The following HDAC9 variants were observed in gnomAD, a reference collection of about 807,000 sequenced individuals.
The protein encoded by HDAC9 is MEF-2 interacting transcription repressor (MITR) protein.
A neutral mutation model predicts 139.4 loss-of-function variants in HDAC9; 41 were observed. The observed-to-expected ratio is 0.29, with a 90% CI of 0.23 to 0.38. HDAC9 has a LOEUF of 0.38. HDAC9 is among the 10% of genes least tolerant of loss of function. HDAC9 has a pLI of 1.00. For missense variants in HDAC9, 1,147 were observed against 1,297.0 expected, an observed-to-expected ratio of 0.88 and a Z score of 1.78; for synonymous variants, 517 against 476.2, an observed-to-expected ratio of 1.09 and a Z score of -1.12.
intron 12 of HDAC9, among the ~76,000 whole-genome samples, chr7:18,712,274 T>C (rs1192830906): frequency 6.6e-6 from 1 of 152,214 alleles, no homozygotes; most frequent in Non-Finnish European, 1.5e-5. Context: ...GCTTTCAGTT[T>C]TTTCTCTTTC....
intron 2 of HDAC9, among the ~76,000 whole-genome samples, chr7:18,191,950 G>A (rs755349445): frequency 6.6e-6 from 1 of 152,110 alleles, no homozygotes; most frequent in Non-Finnish European, 1.5e-5. Context: ...GACATTATAC[G>A]TGCTTTCTAA....
chr7:18,592,708 C>A (rs989020754), intron 5 of HDAC9, among the ~76,000 whole-genome samples: 1 of 152,024 alleles, frequency 6.6e-6, no homozygotes. Flanking sequence ...TTTATAAATA[C>A]TTTTTAATGA....
chr7:18,868,643 T>G (rs1175026676), intron 21 of HDAC9, among the ~76,000 whole-genome samples: 1 of 152,156 alleles, frequency 6.6e-6, no homozygotes, highest in Non-Finnish European at 1.5e-5. Flanking sequence ...GTTTTTTTTC[T>G]TAGTAGGTTG....
intron 6 of HDAC9, among the ~76,000 whole-genome samples, chr7:18,618,104 C>CTG (rs1696992437): frequency 1.3e-5 from 2 of 152,060 alleles, no homozygotes; most frequent in African/African-American, 4.8e-5. Flanking sequence ...TTCAGATAAA[C>CTG]ATCAGAGAGA....
At chr7:18,486,196 A>T (rs1795960935) in intron 1 of HDAC9, among the ~76,000 whole-genome samples, 1 of 152,130 alleles carries the variant, frequency 6.6e-6, no homozygotes, top group Admixed American at 6.6e-5. Flanking sequence ...ACTTCTCAAC[A>T]CTGTTGCATT....
intron 2 of HDAC9, among the ~76,000 whole-genome samples, chr7:18,567,168 A>G (rs970667500): frequency 5.3e-5 from 8 of 152,238 alleles, no homozygotes; most frequent in African/African-American, 1.7e-4. Flanking sequence ...TCTCGAGGGG[A>G]ATAAGCCCAA....
chr7:18,248,823 C>A (rs1794731888), intron 2 of HDAC9, among the ~76,000 whole-genome samples: 1 of 152,068 alleles, frequency 6.6e-6, no homozygotes, highest in South Asian at 2.1e-4. Context: ...GAGCTAGATT[C>A]ATTCATTCAG....
At chr7:18,787,049 T>C (rs2520363) in intron 16 of HDAC9, among the ~76,000 whole-genome samples, 8,795 of 152,146 alleles carry the variant, frequency 0.058, 627 homozygotes, top group African/African-American at 0.17. Flanking sequence ...AATTCTCATG[T>C]TTTTAGAGGG....
chr7:18,110,920 G>A (rs1783572946), intron 1 of HDAC9, among the ~76,000 whole-genome samples: 1 of 152,180 alleles, frequency 6.6e-6, no homozygotes, highest in African/African-American at 2.4e-5. Context: ...GGAAGAGTTT[G>A]GATGTTGGTA....
intron 2 of HDAC9, among the ~76,000 whole-genome samples, chr7:18,513,038 TA>T (rs1290561462): frequency 6.6e-6 from 1 of 152,240 alleles, no homozygotes; most frequent in African/African-American, 2.4e-5. Context: ...GACAAACTGT[TA>T]ATTAAATAGT....
chr7:18,253,367 C>T (rs1278924616), intron 2 of HDAC9, among the ~76,000 whole-genome samples: 1 of 132,754 alleles, frequency 7.5e-6, no homozygotes, highest in African/African-American at 2.8e-5. Flanking sequence ...TACACTCCTA[C>T]CAATAGTGTT....
chr7:18,307,121 G>A (rs1798971087), intron 1 of HDAC9, among the ~76,000 whole-genome samples: 1 of 151,582 alleles, frequency 6.6e-6, no homozygotes. Flanking sequence ...GTGTGTGTGT[G>A]TGTGTGTGTG....
At chr7:18,567,456 A>G (rs1037892699) in intron 2 of HDAC9, among the ~76,000 whole-genome samples, 5 of 152,170 alleles carry the variant, frequency 3.3e-5, no homozygotes, top group African/African-American at 7.2e-5. Context: ...CATTTAAAGC[A>G]TTTTTTTAAA....
At chr7:18,905,479 T>C (rs182588079) in intron 22 of HDAC9, among the ~76,000 whole-genome samples, 37 of 152,358 alleles carry the variant, frequency 2.4e-4, no homozygotes, top group African/African-American at 5.3e-4. Flanking sequence ...GTGATACTTA[T>C]AGTTTCTTGA....
At chr7:18,262,218 CAAGA>C (rs1795727543) in intron 2 of HDAC9, among the ~76,000 whole-genome samples, 1 of 152,132 alleles carries the variant, frequency 6.6e-6, no homozygotes, top group African/African-American at 2.4e-5. Flanking sequence ...AGTTAAACAA[CAAGA>C]GAGATAATCT....
chr7:18,243,946 T>C (rs1794355162), intron 2 of HDAC9, among the ~76,000 whole-genome samples: 2 of 152,126 alleles, frequency 1.3e-5, no homozygotes, highest in Admixed American at 6.5e-5. Context: ...ATAATAGTAC[T>C]GTTGTGCTGT....
At position 18,350,984 on chromosome 7, in the gene HDAC9, AT is replaced by A. The variant is rs370010905; in HGVS notation, c.-42+60473del. On this transcript the variant is annotated intron_variant, in intron 1 of 3. Transcript: ENST00000413509. ...GTTTTGTAAGTGCAACCTGAAATACATTTTATAACCCCTGCCTAAGTTAAAT... is the reference window on the plus strand; with the variant it reads ...GTTTTGTAAGTGCAACCTGAAATACATTTATAACCCCTGCCTAAGTTAAAT... Among the ~76,000 whole-genome samples, 492 of 152,254 alleles carry A rather than the reference AT, an allele frequency of 3.2e-3. 3 individuals are homozygous for A. Among genetic ancestry groups the A allele is most frequent in the African/African-American group, 0.011 (470 of 41,550 alleles).
intron 22 of HDAC9, among the ~76,000 whole-genome samples, chr7:18,889,614 A>C: frequency 6.6e-6 from 1 of 152,220 alleles, no homozygotes; most frequent in East Asian, 1.9e-4. Flanking sequence ...TCAGCCTGCC[A>C]GACCAGTACT....
chr7:18,968,822 G>A (rs1224501274), intron 24 of HDAC9, among the ~76,000 whole-genome samples: 2 of 151,920 alleles, frequency 1.3e-5, no homozygotes, highest in East Asian at 3.9e-4. Flanking sequence ...AGCTGGGCGT[G>A]GTGGCGGGCG....
Sources: gnomAD v4.1 joint callset for allele counts (sites outside exome capture counted in the v4.1 genomes callset) on GRCh38, gnomAD v4.1.1 for gene constraint, MANE v1.5 for transcripts, NCBI Gene and HGNC (gene_info 2026-07-23, HGNC 2026-07-21) for gene names.